The following PRDM5 variants were observed in gnomAD, a reference collection of about 807,000 sequenced individuals.
PRDM5 encodes the protein PR/SET domain 5, also known as PR domain zinc finger protein 5.
A neutral mutation model predicts 81.2 loss-of-function variants in PRDM5; 56 were observed. The ratio of observed to expected loss-of-function variants is 0.69; its 90% CI spans 0.56 to 0.86. PRDM5 has a LOEUF of 0.86. PRDM5 is among the 40% of genes least tolerant of loss of function. The probability of loss-of-function intolerance (pLI) is 0.00; values close to 1 mark genes in which losing one functional copy is unlikely to be tolerated. For synonymous variants in PRDM5, 267 were observed against 256.4 expected (o/e 1.04, Z -0.39); for missense variants, 697 against 770.1 (o/e 0.91, Z 1.12).
chr4:120,742,514 G>T (rs1439469187), intron 14 of PRDM5, among the ~76,000 whole-genome samples: 1 of 152,090 alleles, frequency 6.6e-6, no homozygotes, highest in Non-Finnish European at 1.5e-5. Context: ...CAAAGGCAAA[G>T]AAGTTGAAAA....
rs201223145 is a variant in PRDM5, at chr4:120,785,320, T to TA, written c.1189-230dup. Reference sequence around the variant, plus strand: ...CAGTAATTATTAACTTGATAAATAGTAAAAAAAAAATATTCCTATTATCTC... The same window carrying TA: ...CAGTAATTATTAACTTGATAAATAGTAAAAAAAAAAATATTCCTATTATCTC... On this transcript the variant is annotated intron_variant, in intron 10 of 15. Coordinates refer to ENST00000264808, the MANE Select transcript of PRDM5 (RefSeq NM_018699.4). Among the ~76,000 whole-genome samples, 1,200 of 150,016 alleles carry TA rather than the reference T, an allele frequency of 8.0e-3. 19 individuals are homozygous for TA. Among genetic ancestry groups the TA allele is most frequent in the African/African-American group, 0.027 (1,114 of 40,998 alleles).
chr4:120,779,508 G>A (rs888443293), intron 12 of PRDM5, among the ~76,000 whole-genome samples: 1 of 151,958 alleles, frequency 6.6e-6, no homozygotes, highest in African/African-American at 2.4e-5. Flanking sequence ...TATTCAGAGA[G>A]CTAAAAACAC....
chr4:120,773,126 C>T (rs1747537179), intron 13 of PRDM5, among the ~76,000 whole-genome samples: 1 of 152,146 alleles, frequency 6.6e-6, no homozygotes, highest in Non-Finnish European at 1.5e-5. Flanking sequence ...CAAGGAAAAG[C>T]ACTTGTGTGA....
chr4:120,806,608 C>T (rs1217554479), intron 8 of PRDM5, among the ~76,000 whole-genome samples: 2 of 152,138 alleles, frequency 1.3e-5, no homozygotes, highest in African/African-American at 4.8e-5. Context: ...AAAGGATTCC[C>T]TATTTAATAA....
intron 14 of PRDM5, among the ~76,000 whole-genome samples, chr4:120,737,897 C>T (rs913747993): frequency 4.6e-5 from 7 of 152,044 alleles, no homozygotes; most frequent in South Asian, 2.1e-4. Flanking sequence ...TTTAATAATT[C>T]GCTTCTGACA....
intron 14 of PRDM5, among the ~76,000 whole-genome samples, chr4:120,728,269 G>GA (rs1739737779): frequency 6.6e-6 from 1 of 151,838 alleles, no homozygotes; most frequent in African/African-American, 2.4e-5. Context: ...TAAAAGACAG[G>GA]AAAAACCTTA....
chr4:120,905,096 G>A (rs1765649945), intron 2 of PRDM5, among the ~76,000 whole-genome samples: 2 of 152,116 alleles, frequency 1.3e-5, no homozygotes, highest in Admixed American at 1.3e-4. Context: ...AAATGTTTAA[G>A]TACATAAAAG....
At chr4:120,821,642 G>T (rs1330682493) in intron 3 of PRDM5, among the ~76,000 whole-genome samples, 1 of 151,866 alleles carries the variant, frequency 6.6e-6, no homozygotes, top group African/African-American at 2.4e-5. Flanking sequence ...CTTTGTGGTG[G>T]CCTATAAATG....
chr4:120,717,523 C>A (rs570813432), intron 14 of PRDM5, among the ~76,000 whole-genome samples: 3 of 152,266 alleles, frequency 2.0e-5, no homozygotes, highest in Admixed American at 2.0e-4. Context: ...ATTAATAAAT[C>A]TCAACATCAT....
At chr4:120,793,947 A>T (rs907147267) in intron 10 of PRDM5, among the ~76,000 whole-genome samples, 7 of 152,030 alleles carry the variant, frequency 4.6e-5, no homozygotes, top group Admixed American at 2.0e-4. Context: ...ATAAATAAAA[A>T]AATAAGTAAA....
chr4:120,890,940 A>G (rs1199473085), intron 2 of PRDM5, among the ~76,000 whole-genome samples: 1 of 152,114 alleles, frequency 6.6e-6, no homozygotes, highest in Non-Finnish European at 1.5e-5. Flanking sequence ...TACACTGTTC[A>G]TAGTTTCTTT....
At chr4:120,731,448 G>A (rs1740242828) in intron 14 of PRDM5, among the ~76,000 whole-genome samples, 1 of 149,134 alleles carries the variant, frequency 6.7e-6, no homozygotes, top group African/African-American at 2.5e-5. Context: ...GTCAGTTAAA[G>A]CAATAAAACT....
intron 14 of PRDM5, among the ~76,000 whole-genome samples, chr4:120,714,125 T>C (rs553946061): frequency 3.3e-4 from 50 of 152,344 alleles, no homozygotes; most frequent in Middle Eastern, 3.4e-3. Context: ...ATTATCATTT[T>C]ATATAATCAA....
At chr4:120,868,045 T>C (rs931553813) in intron 2 of PRDM5, among the ~76,000 whole-genome samples, 7 of 152,176 alleles carry the variant, frequency 4.6e-5, no homozygotes, top group African/African-American at 1.4e-4. Context: ...TATTTTACTT[T>C]CATTAACAGT....
Position 120,784,944 on chromosome 4 carries a change from A to C in PRDM5, c.1282+54T>G, listed in dbSNP as rs570208107. The C allele has an allele frequency of 4.1e-5, 58 of 1,414,962 alleles. 1 individual carries two copies. In the African/African-American group the frequency reaches 6.4e-4, roughly 15 times the overall value. 87.7% of individuals were successfully genotyped at this position (1,414,962 alleles called of 1,614,324 possible). On this transcript the variant is annotated intron_variant, in intron 11 of 15. Transcript: ENST00000264808. ...ATGTCTACATTCTCAAAGGTTATAAAAACAAAGTATGAGATAATTCCTTAT... is the reference window on the plus strand; with the variant it reads ...ATGTCTACATTCTCAAAGGTTATAACAACAAAGTATGAGATAATTCCTTAT...
intron 2 of PRDM5, among the ~76,000 whole-genome samples, chr4:120,857,331 C>T (rs1759993977): frequency 6.6e-6 from 1 of 152,138 alleles, no homozygotes; most frequent in Admixed American, 6.5e-5. Context: ...GCACTCCAGC[C>T]TGGGAAACAG....
At chr4:120,886,272 A>G (rs3114956) in intron 2 of PRDM5, among the ~76,000 whole-genome samples, 14,162 of 152,304 alleles carry the variant, frequency 0.093, 1,182 homozygotes, top group African/African-American at 0.22. Context: ...TGTTCCAAAC[A>G]CCTAAAAGGA....
intron 15 of PRDM5, among the ~76,000 whole-genome samples, chr4:120,705,337 G>A (rs550721819): frequency 6.6e-6 from 1 of 152,104 alleles, no homozygotes; most frequent in Non-Finnish European, 1.5e-5. Context: ...ACAAATTTTT[G>A]GTGGATATAA....
intron 13 of PRDM5, among the ~76,000 whole-genome samples, chr4:120,755,330 G>C (rs1343000684): frequency 1.3e-5 from 2 of 152,190 alleles, no homozygotes; most frequent in Non-Finnish European, 1.5e-5. Flanking sequence ...CTCCAAAAGG[G>C]ATCTGAAGAT....
Sources: allele counts gnomAD v4.1 joint callset (sites outside exome capture counted in the v4.1 genomes callset), GRCh38; gene constraint gnomAD v4.1.1; transcripts MANE v1.5; gene names NCBI Gene and HGNC (gene_info 2026-07-23, HGNC 2026-07-21).